COL4A4: variants seen among roughly 807,000 people sequenced by gnomAD.
COL4A4 encodes the protein collagen type IV alpha 4 chain.
In COL4A4, 105 loss-of-function variants were observed where a neutral mutation model predicts 192.9. That is an observed-to-expected ratio of 0.54 (90% CI 0.46 to 0.64). The LOEUF (loss-of-function observed/expected upper bound fraction) is 0.64, where lower values mean the gene tolerates loss of function less well. Ranked by LOEUF, COL4A4 falls within the 30% of genes least tolerant of loss-of-function variation. The probability of loss-of-function intolerance (pLI) is 0.00; values close to 1 mark genes in which losing one functional copy is unlikely to be tolerated. For missense variants in COL4A4, 1,967 were observed against 2,169.3 expected (o/e 0.91, Z 1.85); for synonymous variants, 762 against 769.9 (o/e 0.99, Z 0.17).
At chr2:227,121,561 C>CAAAAAAAA (rs766680844) in intron 4 of COL4A4, among the ~76,000 whole-genome samples, 9 of 58,978 alleles carry the variant, frequency 1.5e-4, no homozygotes, top group Admixed American at 3.8e-4. Context: ...GACCCTATCT[C>CAAAAAAAA]AAAAAAAAAA....
At chr2:227,114,490 T>A (rs1054832548) in intron 8 of COL4A4, 138 bp downstream of exon 8, 1 of 767,478 alleles carries the variant, frequency 1.3e-6, no homozygotes, top group African/African-American at 1.7e-5. Flanking sequence ...CATGATGCCA[T>A]CCCTGAGGGT....
intron 4 of COL4A4, among the ~76,000 whole-genome samples, chr2:227,131,536 TC>T (rs1391680057): frequency 6.6e-6 from 1 of 152,142 alleles, no homozygotes; most frequent in African/African-American, 2.4e-5. Context: ...CACGTTTCAG[TC>T]CCTCAAACAT....
At chr2:227,132,139 C>T (rs1234191995) in intron 4 of COL4A4, among the ~76,000 whole-genome samples, 1 of 152,300 alleles carries the variant, frequency 6.6e-6, no homozygotes, top group East Asian at 1.9e-4. Flanking sequence ...ACCCACAGCT[C>T]CCTGTGCCCT....
the COL4A4 span, among the ~76,000 whole-genome samples, chr2:226,968,618 AG>A: frequency 6.6e-6 from 1 of 152,246 alleles, no homozygotes; most frequent in Non-Finnish European, 1.5e-5. Flanking sequence ...CACACAAAAA[AG>A]AGCATCGCAC....
At position 227,003,046 on chromosome 2, in the gene COL4A4, G is replaced by GTT. The variant is rs1467728934; in HGVS notation, c.*4277_*4278dup. Reference sequence around the variant, plus strand: ...AGAGTACTGATTTTTAATGTCAATTGTTTGTTCCCTGCAGAACTTACTGAT... The same window carrying GTT: ...AGAGTACTGATTTTTAATGTCAATTGTTTTTGTTCCCTGCAGAACTTACTGAT... On this transcript the variant is annotated 3_prime_UTR_variant, in exon 48 of 48. Coordinates refer to ENST00000396625, the MANE Select transcript of COL4A4 (RefSeq NM_000092.5). 6.6e-6 allele frequency: 1 copy of GTT among 152,546 alleles called. No homozygotes were observed. Among genetic ancestry groups the GTT allele is most frequent in the African/African-American group, 2.4e-5 (1 of 41,436 alleles). The allele number at this position is 152,546 out of a possible 1,614,324, so 9.4% of individuals were successfully genotyped here. A position where few individuals can be genotyped will look rare whatever the true frequency, so the allele number is the denominator to read the frequency against.
chr2:227,006,250 C>G lies in COL4A4; in HGVS notation c.*1075G>C, dbSNP rs1962071936. 1.3e-5 allele frequency: 2 copies of G among 152,600 alleles called. No individual in the cohort carries two copies. The highest frequency in any genetic ancestry group is 4.8e-5 in the African/African-American group (2 of 41,442). The allele number at this position is 152,600 out of a possible 1,614,324, so 9.5% of individuals were successfully genotyped here. A position where few individuals can be genotyped will look rare whatever the true frequency, so the allele number is the denominator to read the frequency against. ...TTCTCCCAAGTGCATAATGATAGCT[C>G]TGTCACGTCCCTGTGTGAGCTGCCA... On this transcript the variant is annotated 3_prime_UTR_variant, in exon 48 of 48. Coordinates refer to ENST00000396625, the MANE Select transcript of COL4A4 (RefSeq NM_000092.5).
At chr2:227,055,051 A>T (rs1210879911) in intron 30 of COL4A4, among the ~76,000 whole-genome samples, 1 of 152,102 alleles carries the variant, frequency 6.6e-6, no homozygotes, top group Non-Finnish European at 1.5e-5. Context: ...CAGCCTCCCA[A>T]AGTGCTGGGA....
intron 4 of COL4A4, among the ~76,000 whole-genome samples, chr2:227,128,313 A>G (rs1399712226): frequency 6.6e-6 from 1 of 152,216 alleles, no homozygotes; most frequent in Non-Finnish European, 1.5e-5. Flanking sequence ...TTTACACTTA[A>G]AAACAGTCTA....
chr2:226,969,847 T>C, the COL4A4 span, among the ~76,000 whole-genome samples: 5 of 152,220 alleles, frequency 3.3e-5, no homozygotes, highest in African/African-American at 9.7e-5. Context: ...TGGTTTGTTT[T>C]CTTGTTTTAT....
chr2:226,982,594 G>A, the COL4A4 span, among the ~76,000 whole-genome samples: 4 of 152,332 alleles, frequency 2.6e-5, no homozygotes, highest in African/African-American at 9.6e-5. Context: ...GGCAAAGCTT[G>A]TGAATTTCAT....
chr2:227,030,921 G>T (rs544837335), intron 40 of COL4A4, among the ~76,000 whole-genome samples: 1 of 122,864 alleles, frequency 8.1e-6, no homozygotes, highest in African/African-American at 3.2e-5. Flanking sequence ...TAATAAGATG[G>T]ATGGATGGAT....
At chr2:227,158,960 ATTTAC>A (rs2125537261) in intron 1 of COL4A4, among the ~76,000 whole-genome samples, 1 of 152,298 alleles carries the variant, frequency 6.6e-6, no homozygotes, top group East Asian at 1.9e-4. Context: ...ATTCCTAGGT[ATTTAC>A]TTAAGAGAAA....
intron 4 of COL4A4, among the ~76,000 whole-genome samples, chr2:227,134,376 A>G (rs2062677314): frequency 6.6e-6 from 1 of 152,198 alleles, no homozygotes; most frequent in Admixed American, 6.5e-5. Flanking sequence ...AGCAAACCCA[A>G]CAAGCTCAGG....
intron 14 of COL4A4, 79 bp from the exon 15 acceptor site, chr2:227,102,927 GAAAA>G: frequency 1.2e-6 from 1 of 831,766 alleles, no homozygotes. Flanking sequence ...CAGCAATAGG[GAAAA>G]AAAACAAAAT....
At chr2:227,155,953 T>C (rs1300091967) in intron 1 of COL4A4, among the ~76,000 whole-genome samples, 4 of 152,122 alleles carry the variant, frequency 2.6e-5, no homozygotes, top group Non-Finnish European at 5.9e-5. Flanking sequence ...AGTGTGTAAA[T>C]TAATACCTAA....
chr2:227,066,399 C>A (rs548297921), intron 25 of COL4A4, among the ~76,000 whole-genome samples: 1 of 151,498 alleles, frequency 6.6e-6, no homozygotes, highest in African/African-American at 2.4e-5. Context: ...AGAGCAACTC[C>A]AAGACACATA....
intron 46 of COL4A4, 67 bp downstream of exon 46, chr2:227,010,246 G>C: frequency 6.6e-7 from 1 of 1,507,080 alleles, no homozygotes; most frequent in Non-Finnish European, 9.2e-7. Flanking sequence ...AGGTGCTGAT[G>C]AATCAGTAAA....
intron 7 of COL4A4, among the ~76,000 whole-genome samples, chr2:227,116,095 G>A (rs1462399629): frequency 1.3e-5 from 2 of 152,236 alleles, no homozygotes; most frequent in Non-Finnish European, 2.9e-5. Context: ...TGGGAGATCA[G>A]TCTCAAATCC....
chr2:226,983,217 G>T, the COL4A4 span, among the ~76,000 whole-genome samples: 2 of 152,096 alleles, frequency 1.3e-5, no homozygotes, highest in Non-Finnish European at 2.9e-5. Context: ...AACAGACATT[G>T]ATCTGGAATC....
Sources: allele counts gnomAD v4.1 joint callset (sites outside exome capture counted in the v4.1 genomes callset), GRCh38; gene constraint gnomAD v4.1.1; transcripts MANE v1.5; gene names NCBI Gene and HGNC (gene_info 2026-07-23, HGNC 2026-07-21).